The following TDRD9 variants were observed in gnomAD, a reference collection of about 807,000 sequenced individuals.
TDRD9 encodes tudor domain containing 9, also known as ATP-dependent RNA helicase TDRD9.
TDRD9 carries 124 observed loss-of-function variants against 172.6 expected under a neutral mutation model. The ratio of observed to expected loss-of-function variants is 0.72; its 90% CI spans 0.62 to 0.83. The LOEUF (loss-of-function observed/expected upper bound fraction) is 0.83. Among genes scored for constraint, TDRD9 ranks in the 40% least tolerant of loss-of-function variants. The pLI is 0.00. For synonymous variants in TDRD9, 619 were observed against 617.1 expected (o/e 1.00, Z -0.05); for missense variants, 1,479 against 1,714.1 (o/e 0.86, Z 2.42).
chr14:103,928,818 TG>T (rs1040223624), intron 1 of TDRD9, 94 bp downstream of exon 1: 1 of 339,062 alleles, frequency 2.9e-6, no homozygotes, highest in Admixed American at 5.4e-5. Flanking sequence ...CGCGAGCCCG[TG>T]CCCTCTCGCG....
intron 1 of TDRD9, among the ~76,000 whole-genome samples, chr14:103,947,485 G>T (rs569905427): frequency 1.3e-5 from 2 of 151,760 alleles, no homozygotes; most frequent in African/African-American, 2.4e-5. Flanking sequence ...CCGCCACCAC[G>T]CCCGGCTAAT....
At chr14:103,957,074 A>G (rs2032284508) in intron 2 of TDRD9, among the ~76,000 whole-genome samples, 1 of 152,170 alleles carries the variant, frequency 6.6e-6, no homozygotes, top group East Asian at 1.9e-4. Context: ...ATTAATCCTT[A>G]TCATTCTTGG....
chr14:103,963,089 A>C lies in TDRD9; in HGVS notation c.333A>C (p.Pro111=). ...TTTGCCTTAATCCAGGTCCAAGGCC[A>C]TCTTTGGCTAAATTAAGCAGTGTGA... ...VQPTSGPGPR[P]SLAKLSSVTC... is the part of the protein sequence containing the mutation. Residue 111 remains proline (P), a synonymous_variant, in exon 3 of 36, where the codon CCA becomes CCC. Transcript: ENST00000409874. 2 of 1,544,878 alleles carry C rather than the reference A, an allele frequency of 1.3e-6. No homozygotes were observed. The highest frequency in any genetic ancestry group is 2.4e-5 in the South Asian group (2 of 82,390).
At chr14:104,050,745 C>T (rs188189435) in intron 35 of TDRD9, among the ~76,000 whole-genome samples, 133 of 152,318 alleles carry the variant, frequency 8.7e-4, no homozygotes, top group African/African-American at 3.0e-3. Context: ...AGGAGAGGGG[C>T]GGCCACACCA....
chr14:103,941,686 A>T, intron 1 of TDRD9: 1 of 1,513,506 alleles, frequency 6.6e-7, no homozygotes, highest in Admixed American at 2.1e-5. Flanking sequence ...ATCCAGCCAA[A>T]AAGTGGCATT....
chr14:103,968,130 CTG>C (rs36038202), intron 5 of TDRD9, among the ~76,000 whole-genome samples: 39,106 of 152,104 alleles, frequency 0.26, 5,367 homozygotes, highest in Non-Finnish European at 0.32. Context: ...TCCATCAATG[CTG>C]TGTTACTGAC....
rs1473610203 is a variant in TDRD9 at position 103,994,511 on chromosome 14, T to C, written c.1236-8T>C. The C allele has an allele frequency of 6.2e-7, 1 of 1,613,120 alleles. No homozygotes were observed. Among genetic ancestry groups the C allele is most frequent in the South Asian group, 1.1e-5 (1 of 90,960 alleles). On this transcript the variant is annotated splice_region_variant and splice_polypyrimidine_tract_variant and intron_variant, in intron 10 of 35. Transcript: ENST00000409874. ...CTTTATGGAGATTTTATTTTAGTAA[T>C]TTCTTAGGTTGCAGGTCTATCCACT...
chr14:103,945,756 A>G (rs2031521637), intron 1 of TDRD9, among the ~76,000 whole-genome samples: 1 of 152,184 alleles, frequency 6.6e-6, no homozygotes, highest in Non-Finnish European at 1.5e-5. Flanking sequence ...CATGCATAAT[A>G]TATGTGTGTC....
chr14:103,999,643 A>ACATTT lies in TDRD9; in HGVS notation c.1483+915_1483+916insCATTT, dbSNP rs1566771643. Among the ~76,000 whole-genome samples, 124 of 130,526 alleles carry ACATTT rather than the reference A, an allele frequency of 9.5e-4. 4 individuals carry two copies. Among genetic ancestry groups the ACATTT allele is most frequent in the Middle Eastern group, 4.0e-3 (1 of 250 alleles). 85.6% of individuals were successfully genotyped at this position (130,526 alleles called of 152,430 possible). ...GCTTTTTTTTTTGTTTGTTTTTTAG[A>ACATTT]AAACCTTTTGGGAAGGGTAGATAAA... On this transcript the variant is annotated intron_variant, in intron 13 of 35. Coordinates refer to ENST00000409874, the MANE Select transcript of TDRD9 (RefSeq NM_153046.3).
Position 104,045,509 on chromosome 14 carries a change from T to G in TDRD9, c.3974+3322T>G, listed in dbSNP as rs576908149. Among the ~76,000 whole-genome samples, 328 of 152,288 alleles carry G rather than the reference T, an allele frequency of 2.2e-3. 1 individual carries two copies. Among genetic ancestry groups the G allele is most frequent in the Non-Finnish European group, 3.2e-3 (215 of 68,012 alleles). On this transcript the variant is annotated intron_variant, in intron 34 of 35. Transcript: ENST00000409874. ...ATTTTAGATACACGTCTTTTATTGG[T>G]TAAGTAATTTGCGATTAGTTTCACC...
intron 2 of TDRD9, among the ~76,000 whole-genome samples, chr14:103,959,910 G>A (rs1439094531): frequency 2.0e-5 from 3 of 152,108 alleles, no homozygotes; most frequent in Non-Finnish European, 4.4e-5. Flanking sequence ...ATTTGTCCTG[G>A]GATACAGTCT....
chr14:103,996,356 TG>T (rs2034059157), intron 12 of TDRD9, among the ~76,000 whole-genome samples: 1 of 152,212 alleles, frequency 6.6e-6, no homozygotes, highest in Non-Finnish European at 1.5e-5. Context: ...CCAGTCCTCA[TG>T]GCTGCTACGT....
chr14:103,949,656 G>A (rs1381691355), intron 1 of TDRD9, among the ~76,000 whole-genome samples: 2 of 152,162 alleles, frequency 1.3e-5, no homozygotes, highest in African/African-American at 4.8e-5. Flanking sequence ...AGACACAGAA[G>A]CTCTAAACGC....
At position 104,052,472 on chromosome 14, in the gene TDRD9, C is replaced by G. The variant is rs2035960485; in HGVS notation, c.*390C>G. 7.5e-6 allele frequency: 1 copy of G among 133,376 alleles called. No homozygotes were observed. The highest frequency in any genetic ancestry group is 2.8e-4 in the South Asian group (1 of 3,552). 8.3% of individuals were successfully genotyped at this position (133,376 alleles called of 1,614,324 possible). A position where few individuals can be genotyped will look rare whatever the true frequency, so the allele number is the denominator to read the frequency against. The stretch of plus-strand genomic sequence containing the variant: ...TCTGTTCTGTTACAGTGATTTAAAC[C>G]AGTAGTATAGGAAAAAACTTAAAAA... On this transcript the variant is annotated 3_prime_UTR_variant, in exon 36 of 36. Coordinates refer to ENST00000409874, the MANE Select transcript of TDRD9 (RefSeq NM_153046.3).
At chr14:104,017,664 ATGTGCTATT>A (rs953487437) in intron 22 of TDRD9, among the ~76,000 whole-genome samples, 1 of 152,214 alleles carries the variant, frequency 6.6e-6, no homozygotes, top group African/African-American at 2.4e-5. Context: ...CAATTTGATC[ATGTGCTATT>A]TGGTCTTTCC....
In TDRD9 at chr14:104,026,843, G is replaced by A. The variant is rs1181856986; in HGVS notation, c.3186G>A (p.Val1062=). 1 of 1,614,054 alleles carries A rather than the reference G, an allele frequency of 6.2e-7. No homozygotes were observed. Among genetic ancestry groups the A allele is most frequent in the South Asian group, 1.1e-5 (1 of 91,082 alleles). ...TGCACAGCGTCCTGCACGTGGATGT[G>A]TACCAGTACTCAGGGGTCCAGGATG... ...SVVHSVLHVD[V]YQYSGVQDAI... Residue 1062 remains valine, a synonymous_variant, in exon 28 of 36, where the codon GTG becomes GTA. Transcript: ENST00000409874.
At chr14:104,003,410 A>C (rs1326460828) in intron 13 of TDRD9, among the ~76,000 whole-genome samples, 1 of 152,222 alleles carries the variant, frequency 6.6e-6, no homozygotes, top group Non-Finnish European at 1.5e-5. Context: ...ATCAGTCAGA[A>C]ACAAAACATT....
chr14:104,041,141 G>T (rs1030126376), intron 33 of TDRD9, among the ~76,000 whole-genome samples: 1 of 152,184 alleles, frequency 6.6e-6, no homozygotes, highest in Admixed American at 6.5e-5. Context: ...GACAGCTGCC[G>T]ATGCTCCGGG....
chr14:103,938,870 C>T (rs1272693580), intron 1 of TDRD9, among the ~76,000 whole-genome samples: 1 of 152,078 alleles, frequency 6.6e-6, no homozygotes, highest in Non-Finnish European at 1.5e-5. Context: ...ATAGGTTTTC[C>T]AGAAATAACT....
Sources: gnomAD v4.1 joint callset for allele counts (sites outside exome capture counted in the v4.1 genomes callset) on GRCh38, gnomAD v4.1.1 for gene constraint, MANE v1.5 for transcripts, NCBI Gene and HGNC (gene_info 2026-07-23, HGNC 2026-07-21) for gene names.